The following GPATCH3 variants were observed in gnomAD, a reference collection of about 807,000 sequenced individuals.
GPATCH3 encodes G patch domain-containing protein 3.
Under a neutral mutation model 53.2 loss-of-function variants are expected in GPATCH3, and 45 were observed. The ratio of observed to expected loss-of-function variants is 0.85; its 90% CI spans 0.67 to 1.08. The LOEUF (loss-of-function observed/expected upper bound fraction) is 1.08. Ranked by LOEUF, GPATCH3 falls within the 50% of genes least tolerant of loss-of-function variation. The pLI is 0.00. For missense variants in GPATCH3, 680 were observed against 687.2 expected (o/e 0.99, Z 0.12); for synonymous variants, 280 against 270.6 (o/e 1.03, Z -0.34).
At chr1:26,894,451 C>A in intron 2 of GPATCH3, 41 bp from the exon 3 acceptor site, 1 of 1,598,678 alleles carries the variant, frequency 6.3e-7, no homozygotes, top group East Asian at 2.2e-5. Context: ...GCTTCCTGAC[C>A]TCATGCCCCG....
intron 2 of GPATCH3, among the ~76,000 whole-genome samples, chr1:26,894,644 C>A (rs552581829): frequency 1.3e-5 from 2 of 152,078 alleles, no homozygotes; most frequent in Non-Finnish European, 2.9e-5. Flanking sequence ...CCATGTTGTT[C>A]CCTGCCTGAA....
At chr1:26,896,212 C>G (rs1163316359) in intron 2 of GPATCH3, among the ~76,000 whole-genome samples, 1 of 152,106 alleles carries the variant, frequency 6.6e-6, no homozygotes, top group African/African-American at 2.4e-5. Context: ...CCAGCTCTAC[C>G]TCTATTTCCT....
chr1:26,894,276 C>T lies in GPATCH3; in HGVS notation c.1011G>A (p.Val337=). The change falls in exon 3 of 7, where the codon GTG becomes GTA. Residue 337 remains valine (V), a synonymous_variant. Coordinates refer to ENST00000361720, the MANE Select transcript of GPATCH3 (RefSeq NM_022078.3). ...LKWEKGGSGL[V]FYTDAQFWQE... is the part of the protein sequence containing the mutation. Reference sequence around the variant, plus strand: ...GCCAGAACTGGGCATCAGTATAAAACACCAGGCCAGAGCCACCCTTCTCCC... The same window carrying T: ...GCCAGAACTGGGCATCAGTATAAAATACCAGGCCAGAGCCACCCTTCTCCC... 6.2e-7 allele frequency: 1 copy of T among 1,614,138 alleles called. No individual in the cohort carries two copies. The highest frequency in any genetic ancestry group is 1.1e-5 in the South Asian group (1 of 91,084).
intron 6 of GPATCH3, among the ~76,000 whole-genome samples, chr1:26,891,825 A>G (rs767055527): frequency 6.6e-5 from 10 of 152,042 alleles, no homozygotes; most frequent in Non-Finnish European, 1.5e-4. Flanking sequence ...TTCCTGCCTC[A>G]GCCTCCTGAG....
chr1:26,899,908 G>A (rs2081967382), intron 1 of GPATCH3, 84 bp downstream of exon 1: 10 of 1,260,034 alleles, frequency 7.9e-6, no homozygotes, highest in Admixed American at 6.0e-5. Context: ...CTAACCAGAG[G>A]CCTGACTTAT....
chr1:26,899,316 T>C (rs1340492886), intron 1 of GPATCH3, among the ~76,000 whole-genome samples: 1 of 152,190 alleles, frequency 6.6e-6, no homozygotes, highest in African/African-American at 2.4e-5. Flanking sequence ...AGCTCCTATC[T>C]CATAGGACTG....
In GPATCH3 at chr1:26,893,401, ACACACT is replaced by A; in HGVS notation, c.1093_1098del (p.Ser365_Val366del). ...CCTTGCCCAGTACCTCTGTCATAGTACACACTCATGTCCACATCCCAGTCATCGGCT... is the reference window on the plus strand; with the variant it reads ...CCTTGCCCAGTACCTCTGTCATAGTACATGTCCACATCCCAGTCATCGGCT... On this transcript the variant is annotated inframe_deletion, in exon 4 of 7. Transcript: ENST00000361720. The A allele has an allele frequency of 1.2e-6, 2 of 1,613,406 alleles. No individual in the cohort carries two copies. Among genetic ancestry groups the A allele is most frequent in the African/African-American group, 2.7e-5 (2 of 75,038 alleles).
In GPATCH3 at chr1:26,897,455, T is replaced by C; in HGVS notation, c.722A>G (p.Asp241Gly). Reference protein sequence around the residue: ...RYGNVPFEYEDSETVEQEELV... With the variant: ...RYGNVPFEYEGSETVEQEELV... ...CTCTTCCTGCTCCACAGTCTCTGAGTCCTCATACTCAAAAGGCACATTGCC... is the reference window on the plus strand; with the variant it reads ...CTCTTCCTGCTCCACAGTCTCTGAGCCCTCATACTCAAAAGGCACATTGCC... The change falls in exon 2 of 7, where the codon GAC becomes GGC. Residue 241 changes from aspartate to glycine, a missense_variant. Transcript: ENST00000361720. The C allele has an allele frequency of 6.2e-7, 1 of 1,614,164 alleles. No individual in the cohort carries two copies. The highest frequency in any genetic ancestry group is 8.5e-7 in the Non-Finnish European group (1 of 1,180,042).
At chr1:26,891,667 C>A (rs1233614707) in intron 6 of GPATCH3, among the ~76,000 whole-genome samples, 4 of 152,118 alleles carry the variant, frequency 2.6e-5, no homozygotes, top group African/African-American at 9.7e-5. Flanking sequence ...CTGCCTCAGC[C>A]TCCAGAGTAG....
At chr1:26,893,314 C>G in intron 4 of GPATCH3, 75 bp downstream of exon 4, 1 of 1,176,060 alleles carries the variant, frequency 8.5e-7, no homozygotes, top group Non-Finnish European at 1.3e-6. Context: ...TCAGCCTTTG[C>G]TAGCTCTGGT....
At chr1:26,898,515 G>A (rs148772267) in intron 1 of GPATCH3, among the ~76,000 whole-genome samples, 118 of 151,552 alleles carry the variant, frequency 7.8e-4, no homozygotes, top group African/African-American at 2.6e-3. Context: ...ACAGGGTTAC[G>A]CCATGTTGTC....
chr1:26,897,656 G>C lies in GPATCH3; in HGVS notation c.521C>G (p.Thr174Ser), dbSNP rs200916592. 272 of 1,614,172 alleles carry C rather than the reference G, an allele frequency of 1.7e-4. 4 individuals are homozygous for C. Among genetic ancestry groups the C allele is most frequent in the Middle Eastern group, 1.7e-3 (10 of 6,054 alleles). The change falls in exon 2 of 7, where the codon ACC (threonine) becomes AGC (serine). Residue 174 changes from threonine to serine, a missense_variant. By Grantham distance (58) the Thr-to-Ser change is moderately conservative. Transcript: ENST00000361720. ...QSWKAENEAF[T>S]LADLKQLPEL... is the part of the protein sequence containing the mutation. ...CGGCAGTTGCTTCAGGTCAGCCAGG[G>C]TGAAGGCTTCATTCTCTGCCTTCCA...
chr1:26,891,319 G>A, intron 6 of GPATCH3, 93 bp from the exon 7 acceptor site: 1 of 951,092 alleles, frequency 1.1e-6, no homozygotes, highest in East Asian at 2.6e-5. Context: ...TACATATCTG[G>A]TTTGTCCAAA....
chr1:26,892,647 G>A, intron 5 of GPATCH3, 23 bp downstream of exon 5: 1 of 1,613,364 alleles, frequency 6.2e-7, no homozygotes, highest in Non-Finnish European at 8.5e-7. Context: ...GGGGTCCATG[G>A]GGTGGGCACA....
At chr1:26,893,660 A>G (rs1003235145) in intron 3 of GPATCH3, among the ~76,000 whole-genome samples, 7 of 150,576 alleles carry the variant, frequency 4.6e-5, no homozygotes, top group African/African-American at 1.7e-4. Context: ...AGCTGGGACT[A>G]CAGGTGCATG....
chr1:26,896,170 G>C (rs2081949947), intron 2 of GPATCH3, among the ~76,000 whole-genome samples: 1 of 152,106 alleles, frequency 6.6e-6, no homozygotes, highest in South Asian at 2.1e-4. Flanking sequence ...GCACGCACAG[G>C]TTAGAGAAGA....
At position 26,897,699 on chromosome 1, in the gene GPATCH3, G is replaced by A. The variant is rs142878014; in HGVS notation, c.478C>T (p.Arg160Trp). Residue 160 changes from arginine (R) to tryptophan (W), a missense_variant, in exon 2 of 7, where the codon CGG becomes TGG. By Grantham distance (101) the Arg-to-Trp change is moderately radical (BLOSUM62 -3). Coordinates refer to ENST00000361720, the MANE Select transcript of GPATCH3 (RefSeq NM_022078.3). The stretch of plus-strand genomic sequence containing the variant: ...GCCTTCCAACTCTGCAGTTCCTTCC[G>A]GGTCTTGAAGGGAAAGGAGCCCAGA... ...SGLGSFPFKT[R>W]KELQSWKAEN... 347 of 1,612,568 alleles carry A rather than the reference G, an allele frequency of 2.2e-4. No individual in the cohort carries two copies. Among genetic ancestry groups the A allele is most frequent in the Non-Finnish European group, 2.8e-4 (332 of 1,179,232 alleles).
chr1:26,892,544 G>A lies in GPATCH3; in HGVS notation c.1234-6C>T, dbSNP rs2081932683. The stretch of plus-strand genomic sequence containing the variant: ...ATCACCTTCCGCCCAATGCCCTGCA[G>A]AGTGAAGGGACAAGACTCAAGAAAT... On this transcript the variant is annotated splice_region_variant and splice_polypyrimidine_tract_variant and intron_variant, in intron 5 of 6. Coordinates refer to ENST00000361720, the MANE Select transcript of GPATCH3 (RefSeq NM_022078.3). 1.2e-6 allele frequency: 2 copies of A among 1,610,466 alleles called. No homozygotes were observed. Among genetic ancestry groups the A allele is most frequent in the African/African-American group, 2.7e-5 (2 of 74,864 alleles).
Position 26,897,694 on chromosome 1 carries a change from CTTCCGGGTCTTG to C in GPATCH3, c.471_482del (p.Phe157_Lys161delinsLeu). 6.2e-7 allele frequency: 1 copy of C among 1,613,524 alleles called. No individual in the cohort carries two copies. On this transcript the variant is annotated inframe_deletion, in exon 2 of 7. Transcript: ENST00000361720. ...TCTCTGCCTTCCAACTCTGCAGTTC[CTTCCGGGTCTTG>C]AAGGGAAAGGAGCCCAGACCTTGGA...
Sources: gnomAD v4.1 joint callset for allele counts (sites outside exome capture counted in the v4.1 genomes callset) on GRCh38, gnomAD v4.1.1 for gene constraint, MANE v1.5 for transcripts, NCBI Gene and HGNC (gene_info 2026-07-23, HGNC 2026-07-21) for gene names.